The following AGTRAP variants were observed in gnomAD, a reference collection of about 807,000 sequenced individuals.
AGTRAP encodes type-1 angiotensin II receptor-associated protein.
Under a neutral mutation model 15.2 loss-of-function variants are expected in AGTRAP, and 7 were observed. That is an observed-to-expected ratio of 0.46 (90% confidence interval 0.26 to 0.87). AGTRAP has a LOEUF of 0.87. AGTRAP is among the 40% of genes least tolerant of loss of function. AGTRAP has a pLI of 0.15. For missense variants in AGTRAP, 187 were observed against 213.4 expected, an observed-to-expected ratio of 0.88 and a Z score of 0.77; for synonymous variants, 74 against 89.6, an observed-to-expected ratio of 0.83 and a Z score of 0.98.
At position 11,745,697 on chromosome 1, in the gene AGTRAP, G is replaced by T; in HGVS notation, c.28-106G>T. ...TCAACAGACATTACTGAGGCCCTCA[G>T]AGGTGCCAGGCGCAGGGGCGTCCTG... On this transcript the variant is annotated intron_variant, in intron 1 of 4. Coordinates refer to ENST00000314340, the MANE Select transcript of AGTRAP (RefSeq NM_020350.5). The surrounding 1 kb of genome is among the most constrained non-coding windows in gnomAD (Gnocchi z 4.2). The T allele has an allele frequency of 1.6e-6, 2 of 1,221,746 alleles. 1 individual carries two copies. The highest frequency in any genetic ancestry group is 2.4e-5 in the South Asian group (2 of 82,616). 75.7% of individuals were successfully genotyped at this position (1,221,746 alleles called of 1,614,324 possible).
At chr1:11,737,981 C>T (rs1419434677) in intron 1 of AGTRAP, among the ~76,000 whole-genome samples, 2 of 152,168 alleles carry the variant, frequency 1.3e-5, no homozygotes, top group African/African-American at 2.4e-5. Flanking sequence ...AGATCAACAA[C>T]GAACAGTTTT....
rs1393729594 is a variant in AGTRAP at position 11,750,291 on chromosome 1, G to A, written c.*99G>A. The A allele has an allele frequency of 9.6e-7, 1 of 1,046,580 alleles. No homozygotes were observed. The highest frequency in any genetic ancestry group is 2.0e-5 in the Admixed American group (1 of 50,458). 64.8% of individuals were successfully genotyped at this position (1,046,580 alleles called of 1,614,324 possible). On this transcript the variant is annotated 3_prime_UTR_variant, in exon 5 of 5. Transcript: ENST00000314340. ...ACCTCCGTCTCTTGGACCTAAGATG[G>A]AATGTGTCCCCAGCTCAGGGATTGC...
At position 11,750,529 on chromosome 1, in the gene AGTRAP, G is replaced by A. The variant is rs1275705993; in HGVS notation, c.*337G>A. 3.6e-6 allele frequency: 2 copies of A among 558,262 alleles called. No homozygotes were observed. The highest frequency in any genetic ancestry group is 6.4e-6 in the Non-Finnish European group (2 of 313,256). 34.6% of individuals were successfully genotyped at this position (558,262 alleles called of 1,614,324 possible). ...CAAGCTCAGGCCTTTAAGGACTGCT[G>A]ATGCCCCCTCAGGCCTCCCCCAAGT... On this transcript the variant is annotated 3_prime_UTR_variant, in exon 5 of 5. Transcript: ENST00000314340.
chr1:11,750,135 G>A lies in AGTRAP; in HGVS notation c.423G>A (p.Ala141=), dbSNP rs146107418. The A allele has an allele frequency of 1.7e-5, 27 of 1,613,910 alleles. No homozygotes were observed. Among genetic ancestry groups the A allele is most frequent in the African/African-American group, 9.3e-5 (7 of 74,900 alleles). Residue 141 remains alanine, a synonymous_variant, in exon 5 of 5, where the codon GCG becomes GCA. Coordinates refer to ENST00000314340, the MANE Select transcript of AGTRAP (RefSeq NM_020350.5). ...SAYQTIDSAE[A]PADPFAVPEG... ...ACCAGACGATTGACTCAGCAGAGGC[G>A]CCCGCAGATCCCTTTGCAGTCCCAG... is the stretch of plus-strand genomic sequence containing the variant.
chr1:11,746,331 G>A, intron 2 of AGTRAP: 2 of 1,042,828 alleles, frequency 1.9e-6, no homozygotes, highest in Non-Finnish European at 2.8e-6. Context: ...GTGATTCTGG[G>A]CTGGGACCCA....
At chr1:11,737,908 G>T (rs1202217395) in intron 1 of AGTRAP, among the ~76,000 whole-genome samples, 1 of 152,174 alleles carries the variant, frequency 6.6e-6, no homozygotes, top group East Asian at 1.9e-4. Flanking sequence ...CAAAGTGCTG[G>T]AAGGCCCTGA....
intron 3 of AGTRAP, among the ~76,000 whole-genome samples, 157 bp downstream of exon 3, chr1:11,747,702 C>T (rs17875947): frequency 0.036 from 5,476 of 152,352 alleles, 262 homozygotes; most frequent in African/African-American, 0.1. Context: ...TCCTGGGCTC[C>T]GGCCCATGCC....
At chr1:11,736,682 G>T (rs1641907115) in intron 1 of AGTRAP, among the ~76,000 whole-genome samples, 1 of 152,242 alleles carries the variant, frequency 6.6e-6, no homozygotes. Flanking sequence ...TGCTAAGTCG[G>T]GTTAAGGAAA....
At chr1:11,738,917 C>T (rs1055244345) in intron 1 of AGTRAP, among the ~76,000 whole-genome samples, 8 of 152,170 alleles carry the variant, frequency 5.3e-5, no homozygotes, top group South Asian at 2.1e-4. Context: ...AGTCCTACCC[C>T]GCCATGGGTC....
At position 11,745,253 on chromosome 1, in the gene AGTRAP, C is replaced by T. The variant is rs1033523946; in HGVS notation, c.28-550C>T. On this transcript the variant is annotated intron_variant, in intron 1 of 4. Coordinates refer to ENST00000314340, the MANE Select transcript of AGTRAP (RefSeq NM_020350.5). This position sits in a 1 kb window ranked among gnomAD's most constrained non-coding sequence, Gnocchi z 4.2. ...TAGACAATATAGGGTAACTTTCTGA[C>T]GTTGCCATGGCATTTGTAAACTGTC... 3.9e-5 allele frequency among the ~76,000 whole-genome samples: 6 copies of T among 152,176 alleles called. No individual in the cohort carries two copies. Among genetic ancestry groups the T allele is most frequent in the African/African-American group, 7.2e-5 (3 of 41,444 alleles).
Position 11,736,142 on chromosome 1 carries a change from G to T in AGTRAP, c.-67G>T, listed in dbSNP as rs1011264616. On this transcript the variant is annotated 5_prime_UTR_variant, in exon 1 of 5. Transcript: ENST00000314340. ...GGGCGGGGCGGGGCCGGGCAAGTTTGTTCCCCGAGTTCGGAGCCTAGGAGC... is the reference window on the plus strand; with the variant it reads ...GGGCGGGGCGGGGCCGGGCAAGTTTTTTCCCCGAGTTCGGAGCCTAGGAGC... The T allele has an allele frequency of 5.1e-6, 8 of 1,561,182 alleles. No homozygotes were observed. The highest frequency in any genetic ancestry group is 6.1e-6 in the Non-Finnish European group (7 of 1,152,204).
chr1:11,744,487 C>G, intron 1 of AGTRAP: 1 of 711,810 alleles, frequency 1.4e-6, no homozygotes, highest in Non-Finnish European at 2.6e-6. Flanking sequence ...TCCCTTTGCC[C>G]GCTCTCTCCA....
In AGTRAP at chr1:11,750,364, C is replaced by T; in HGVS notation, c.*172C>T. ...CCCATGGGCCGCCCAGTACCATGCA[C>T]ACTCCTGTCCCGAACTCCCTGAGGC... On this transcript the variant is annotated 3_prime_UTR_variant, in exon 5 of 5. Coordinates refer to ENST00000314340, the MANE Select transcript of AGTRAP (RefSeq NM_020350.5). 3.0e-6 allele frequency: 2 copies of T among 676,102 alleles called. No individual in the cohort carries two copies. The highest frequency in any genetic ancestry group is 5.3e-6 in the Non-Finnish European group (2 of 375,370). The allele number at this position is 676,102 out of a possible 1,614,324, so 41.9% of individuals were successfully genotyped here.
At chr1:11,742,305 C>T (rs1304799692) in intron 1 of AGTRAP, among the ~76,000 whole-genome samples, 4 of 152,154 alleles carry the variant, frequency 2.6e-5, no homozygotes, top group Admixed American at 6.5e-5. Context: ...TCATGTGAGA[C>T]GGTTGGCATA....
chr1:11,747,340 A>G lies in AGTRAP; in HGVS notation c.63-100A>G, dbSNP rs951949319. 42 of 1,099,038 alleles carry G rather than the reference A, an allele frequency of 3.8e-5. No individual in the cohort carries two copies. The South Asian group carries it at 5.3e-4, about 14-fold the overall frequency. 68.1% of individuals were successfully genotyped at this position (1,099,038 alleles called of 1,614,324 possible). On this transcript the variant is annotated intron_variant, in intron 2 of 4. Transcript: ENST00000314340. ...ACACAGCCGGGTGGCCTCGAAGACT[A>G]TGGCATGTTCTGGGAGGAGGCCCTG...
At position 11,750,251 on chromosome 1, in the gene AGTRAP, C is replaced by T; in HGVS notation, c.*59C>T. 6 of 1,363,682 alleles carry T rather than the reference C, an allele frequency of 4.4e-6. No individual in the cohort carries two copies. In the African/African-American group the frequency reaches 8.6e-5, roughly 19 times the overall value. 84.5% of individuals were successfully genotyped at this position (1,363,682 alleles called of 1,614,324 possible). ...CCTTCCTCGTGCCTGGGAGGTCGTT[C>T]TAGGGATGCTCCTGACCTCCGTCTC... On this transcript the variant is annotated 3_prime_UTR_variant, in exon 5 of 5. Transcript: ENST00000314340.
chr1:11,738,970 C>T (rs1641963651), intron 1 of AGTRAP, among the ~76,000 whole-genome samples: 1 of 152,208 alleles, frequency 6.6e-6, no homozygotes, highest in Non-Finnish European at 1.5e-5. Context: ...TCTGCATGCC[C>T]TGCTGGTTTC....
At position 11,749,880 on chromosome 1, in the gene AGTRAP, C is replaced by T. The variant is rs72638664; in HGVS notation, c.365-197C>T. ...AAGTGGGGACAATAAAAATACCCGTCGCACAGGGATACGGCAGGATTGAAT... is the reference window on the plus strand; with the variant it reads ...AAGTGGGGACAATAAAAATACCCGTTGCACAGGGATACGGCAGGATTGAAT... On this transcript the variant is annotated intron_variant, in intron 4 of 4. Coordinates refer to ENST00000314340, the MANE Select transcript of AGTRAP (RefSeq NM_020350.5). Among the ~76,000 whole-genome samples the T allele has an allele frequency of 7.8e-3, 1,191 of 152,154 alleles. 12 individuals are homozygous for T. Among genetic ancestry groups the T allele is most frequent in the Non-Finnish European group, 8.6e-3 (586 of 67,980 alleles).
intron 4 of AGTRAP, among the ~76,000 whole-genome samples, 195 bp from the exon 5 acceptor site, chr1:11,749,882 C>T (rs997280684): frequency 6.6e-6 from 1 of 152,024 alleles, no homozygotes; most frequent in Non-Finnish European, 1.5e-5. Context: ...ATACCCGTCG[C>T]ACAGGGATAC....
Sources: gnomAD v4.1 joint callset for allele counts (sites outside exome capture counted in the v4.1 genomes callset) on GRCh38, gnomAD v4.1.1 for gene constraint, Gnocchi (gnomAD v3.1) non-coding constraint, MANE v1.5 for transcripts, NCBI Gene and HGNC (gene_info 2026-07-23, HGNC 2026-07-21) for gene names.